EPHA7: variants seen among roughly 807,000 people sequenced by gnomAD.
The protein encoded by EPHA7 is ephrin type-A receptor 7.
In EPHA7, 25 loss-of-function variants were observed where a neutral mutation model predicts 112.6. The ratio of observed to expected loss-of-function variants is 0.22; its 90% CI spans 0.16 to 0.31. The LOEUF (loss-of-function observed/expected upper bound fraction) is 0.31. Among genes scored for constraint, EPHA7 ranks in the 10% least tolerant of loss-of-function variants. EPHA7 has a pLI of 1.00. For synonymous variants in EPHA7, 437 were observed against 406.5 expected (o/e 1.07, Z -0.90); for missense variants, 962 against 1,212.6 (o/e 0.79, Z 3.07).
Position 93,243,045 on chromosome 6 carries a change from A to C in EPHA7, c.*381T>G, listed in dbSNP as rs2127843776. On this transcript the variant is annotated 3_prime_UTR_variant, in exon 17 of 17. Coordinates refer to ENST00000369303, the MANE Select transcript of EPHA7 (RefSeq NM_004440.4). ...TAGTCTGAAATCACATATTTAAGGAAAATATTTCATTAATTTTAACAATAA... is the reference window on the plus strand; with the variant it reads ...TAGTCTGAAATCACATATTTAAGGACAATATTTCATTAATTTTAACAATAA... 1 of 225,908 alleles carries C rather than the reference A, an allele frequency of 4.4e-6. No homozygotes were observed. Among genetic ancestry groups the C allele is most frequent in the African/African-American group, 2.2e-5 (1 of 45,000 alleles). The allele number at this position is 225,908 out of a possible 1,614,324, so 14.0% of individuals were successfully genotyped here.
In EPHA7 at chr6:93,242,793, TA is replaced by T. The variant is rs879730226; in HGVS notation, c.*632del. ...TGACTACCTGCCAATTAGCAAACAA[TA>T]TCAAAACAGCACTGATTAAACAGAA... On this transcript the variant is annotated 3_prime_UTR_variant, in exon 17 of 17. Coordinates refer to ENST00000369303, the MANE Select transcript of EPHA7 (RefSeq NM_004440.4). The T allele has an allele frequency of 4.8e-5, 10 of 206,962 alleles. No individual in the cohort carries two copies. The Admixed American group carries it at 5.9e-4, about 12-fold the overall frequency. The allele number at this position is 206,962 out of a possible 1,614,324, so 12.8% of individuals were successfully genotyped here.
At chr6:93,274,335 C>T (rs1008008887) in intron 5 of EPHA7, among the ~76,000 whole-genome samples, 3 of 151,710 alleles carry the variant, frequency 2.0e-5, no homozygotes, top group African/African-American at 7.3e-5. Flanking sequence ...TATAAATCTA[C>T]CCTATTTAGT....
chr6:93,269,577 A>G lies in EPHA7; in HGVS notation c.1533T>C (p.Tyr511=). Residue 511 remains tyrosine, a synonymous_variant, in exon 7 of 17, where the codon TAT becomes TAC. Transcript: ENST00000369303. ...CAGTAAAAGCCCGAATCTGGAAAAC[A>G]TACACTGTTCCTGGTTTCAGATTAT... ...SINNLKPGTV[Y]VFQIRAFTAA... is the part of the protein sequence containing the mutation. The G allele has an allele frequency of 6.2e-7, 1 of 1,608,886 alleles. No individual in the cohort carries two copies.
At chr6:93,261,548 T>C (rs1770689086) in intron 9 of EPHA7, among the ~76,000 whole-genome samples, 1 of 151,572 alleles carries the variant, frequency 6.6e-6, no homozygotes, top group Non-Finnish European at 1.5e-5. Context: ...TTTACCAGGA[T>C]AGGATATGTT....
At position 93,258,243 on chromosome 6, in the gene EPHA7, C is replaced by T. The variant is rs1231037263; in HGVS notation, c.1966G>A (p.Gly656Arg). The T allele has an allele frequency of 3.1e-6, 5 of 1,611,278 alleles. No homozygotes were observed. The highest frequency in any genetic ancestry group is 2.7e-5 in the African/African-American group (2 of 74,798). The change falls in exon 11 of 17, where the codon GGG (glycine) becomes AGG (arginine). Residue 656 changes from glycine to arginine, a missense_variant. By Grantham distance (125) the Gly-to-Arg change is moderately radical. Around this residue, in one of 3 missense-constraint regions of EPHA7, gnomAD observed 746 missense variants for 889.2 expected, o/e 0.84. Transcript: ENST00000369303. ...EVCSGRLKLP[G>R]KRDVAVAIKT... ...ATGGCTACTGCAACATCTCTTTTCCCTGGAAGTTTCAAACGGCCACTGCAG... is the reference window on the plus strand; with the variant it reads ...ATGGCTACTGCAACATCTCTTTTCCTTGGAAGTTTCAAACGGCCACTGCAG...
intron 3 of EPHA7, among the ~76,000 whole-genome samples, chr6:93,406,691 C>T (rs1778737795): frequency 6.6e-6 from 1 of 151,854 alleles, no homozygotes; most frequent in Non-Finnish European, 1.5e-5. Context: ...TCAGTATAAA[C>T]TGCAAACTGT....
intron 5 of EPHA7, among the ~76,000 whole-genome samples, chr6:93,276,544 C>T (rs921353602): frequency 3.3e-5 from 5 of 152,016 alleles, no homozygotes; most frequent in African/African-American, 1.2e-4. Context: ...AGACTTGTGA[C>T]CCACAGAACT....
intron 5 of EPHA7, among the ~76,000 whole-genome samples, chr6:93,354,597 A>G (rs1162984924): frequency 2.1e-5 from 3 of 146,012 alleles, no homozygotes; most frequent in Admixed American, 7.1e-5. Flanking sequence ...CAATATATTT[A>G]TTGTACATTT....
At position 93,242,724 on chromosome 6, in the gene EPHA7, T is replaced by A. The variant is rs533451975; in HGVS notation, c.*702A>T. The A allele has an allele frequency of 1.8e-5, 4 of 216,772 alleles. No homozygotes were observed. Among genetic ancestry groups the A allele is most frequent in the Non-Finnish European group, 2.8e-5 (3 of 107,268 alleles). The allele number at this position is 216,772 out of a possible 1,614,324, so 13.4% of individuals were successfully genotyped here. On this transcript the variant is annotated 3_prime_UTR_variant, in exon 17 of 17. Coordinates refer to ENST00000369303, the MANE Select transcript of EPHA7 (RefSeq NM_004440.4). ...GTGTTGTCTGATCTTTACAAAAAAATTCTTTTTAAAAAATATCAGAGCTCT... is the reference window on the plus strand; with the variant it reads ...GTGTTGTCTGATCTTTACAAAAAAAATCTTTTTAAAAAATATCAGAGCTCT...
chr6:93,385,321 T>G (rs1046908847), intron 3 of EPHA7, among the ~76,000 whole-genome samples: 29 of 152,142 alleles, frequency 1.9e-4, no homozygotes, highest in African/African-American at 6.0e-4. Flanking sequence ...TTACATATTA[T>G]GTAATACAGT....
chr6:93,269,721 A>AGGC, intron 6 of EPHA7, 61 bp from the exon 7 acceptor site: 5 of 1,321,266 alleles, frequency 3.8e-6, no homozygotes, highest in Non-Finnish European at 4.1e-6. Context: ...TTTGACAGCC[A>AGGC]ACTGTTTCAA....
At chr6:93,281,786 G>A (rs555383558) in intron 5 of EPHA7, among the ~76,000 whole-genome samples, 51 of 152,104 alleles carry the variant, frequency 3.4e-4, no homozygotes, top group African/African-American at 1.1e-3. Context: ...GTCATACTAT[G>A]GGTATCTTTA....
chr6:93,380,380 T>C (rs537124940), intron 3 of EPHA7, among the ~76,000 whole-genome samples: 18 of 152,192 alleles, frequency 1.2e-4, no homozygotes, highest in Middle Eastern at 3.4e-3. Flanking sequence ...CATTCCACCA[T>C]GGTACCAGGC....
At chr6:93,357,162 C>T (rs1775989722) in intron 4 of EPHA7, 110 bp from the exon 5 acceptor site, 2 of 783,328 alleles carry the variant, frequency 2.6e-6, no homozygotes, top group South Asian at 2.0e-5. Context: ...GCTCAATTAC[C>T]AAAGAGAAAA....
chr6:93,322,729 T>C (rs1271980979), intron 5 of EPHA7, among the ~76,000 whole-genome samples: 9 of 151,628 alleles, frequency 5.9e-5, no homozygotes, highest in Admixed American at 5.9e-4. Flanking sequence ...TTGTATCAAA[T>C]AGGGATTAAA....
At position 93,287,083 on chromosome 6, in the gene EPHA7, G is replaced by A. The variant is rs371391962; in HGVS notation, c.1325-14661C>T. Among the ~76,000 whole-genome samples the A allele has an allele frequency of 2.0e-5, 3 of 152,264 alleles. 1 individual carries two copies. Among genetic ancestry groups the A allele is most frequent in the Admixed American group, 6.5e-5 (1 of 15,278 alleles). On this transcript the variant is annotated intron_variant, in intron 5 of 16. Transcript: ENST00000369303. ...TGCATATTTTTGGCACTTAGTATAT[G>A]CTAAATAAACGAATAATGGTGTGAC...
At chr6:93,411,195 C>G in intron 2 of EPHA7, 25 bp from the exon 3 acceptor site, 1 of 1,571,058 alleles carries the variant, frequency 6.4e-7, no homozygotes, top group Non-Finnish European at 8.7e-7. Flanking sequence ...AAAAGGTCAT[C>G]AGTCATTCAG....
chr6:93,383,126 T>C (rs80235350), intron 3 of EPHA7, among the ~76,000 whole-genome samples: 2,018 of 152,242 alleles, frequency 0.013, 43 homozygotes, highest in African/African-American at 0.045. Flanking sequence ...ACTCTCATGC[T>C]ACCCAATAAT....
chr6:93,258,367 T>C, intron 10 of EPHA7, 83 bp from the exon 11 acceptor site: 2 of 1,307,604 alleles, frequency 1.5e-6, no homozygotes, highest in Middle Eastern at 4.1e-4. Flanking sequence ...GAATTATTTT[T>C]CTTTAACTTT....
Sources: gnomAD v4.1 joint callset for allele counts (sites outside exome capture counted in the v4.1 genomes callset) on GRCh38, gnomAD v4.1.1 for gene constraint, gnomAD v4.1.1 regional missense constraint, MANE v1.5 for transcripts, NCBI Gene and HGNC (gene_info 2026-07-23, HGNC 2026-07-21) for gene names.